The following SPINK5 variants were observed in gnomAD, a reference collection of about 807,000 sequenced individuals.
SPINK5 encodes serine peptidase inhibitor Kazal type 5, also known as serine protease inhibitor Kazal-type 5.
Under a neutral mutation model 151.8 loss-of-function variants are expected in SPINK5, and 125 were observed. That is an observed-to-expected ratio of 0.82 (90% CI 0.71 to 0.96). The LOEUF is 0.96. SPINK5 is among the 40% of genes least tolerant of loss of function. The probability of loss-of-function intolerance (pLI) is 0.00; values close to 1 mark genes in which losing one functional copy is unlikely to be tolerated. For synonymous variants in SPINK5, 374 were observed against 395.3 expected (o/e 0.95, Z 0.64); for missense variants, 1,194 against 1,291.9 (o/e 0.92, Z 1.16).
chr5:148,064,170 C>T, intron 1 of SPINK5, 71 bp downstream of exon 1: 4 of 1,569,944 alleles, frequency 2.5e-6, no homozygotes, highest in Non-Finnish European at 3.5e-6. Context: ...ACTTTTCTCC[C>T]CCTACTCCTG....
At chr5:148,091,375 A>C (rs1753305535) in intron 8 of SPINK5, 147 bp downstream of exon 8, 2 of 711,416 alleles carry the variant, frequency 2.8e-6, no homozygotes, top group East Asian at 5.5e-5. Context: ...CAAATTGACT[A>C]TTCCTAGAAT....
In SPINK5 at chr5:148,124,850, A is replaced by G; in HGVS notation, c.2739+13A>G. The G allele has an allele frequency of 6.3e-7, 1 of 1,581,046 alleles. No individual in the cohort carries two copies. On this transcript the variant is annotated intron_variant, in intron 28 of 32. Coordinates refer to ENST00000256084, the MANE Select transcript of SPINK5 (RefSeq NM_006846.4). ...AAATAATGCAAAGGTTATTTATTAA[A>G]GGATACCAAAATAACCATTTTACTT...
chr5:148,080,066 G>A (rs10213873), intron 4 of SPINK5, among the ~76,000 whole-genome samples: 75,470 of 150,482 alleles, frequency 0.5, 19,387 homozygotes, highest in Admixed American at 0.62. Context: ...GTAAGATTTC[G>A]GTGTGCAAGA....
chr5:148,064,183 A>G (rs929485739), intron 1 of SPINK5, 84 bp downstream of exon 1: 62 of 1,484,534 alleles, frequency 4.2e-5, no homozygotes, highest in Non-Finnish European at 4.6e-5. Flanking sequence ...TACTCCTGCC[A>G]AAAAATGTTT....
intron 11 of SPINK5, 46 bp downstream of exon 11, chr5:148,098,040 G>C (rs376817513): frequency 1.3e-6 from 2 of 1,582,066 alleles, no homozygotes; most frequent in African/African-American, 2.7e-5. Flanking sequence ...GGATCTTGCA[G>C]GTAATTTAAT....
At chr5:148,106,495 T>C (rs1753785788) in intron 16 of SPINK5, among the ~76,000 whole-genome samples, 2 of 151,974 alleles carry the variant, frequency 1.3e-5, no homozygotes, top group South Asian at 4.2e-4. Flanking sequence ...CAATTTATTT[T>C]ATTTTTTTAT....
Position 148,064,076 on chromosome 5 carries a change from CCTTGGCT to C in SPINK5, c.36_42del (p.Leu12PhefsTer24). 6.2e-7 allele frequency: 1 copy of C among 1,614,134 alleles called. No individual in the cohort carries two copies. Among genetic ancestry groups the C allele is most frequent in the Admixed American group, 1.7e-5 (1 of 60,006 alleles). ...ATAGCCACAGTGTCAGTGCTTCTGC[CCTTGGCT>C]CTTTGCCTCATACAAGGTGAGCAAT... is the stretch of plus-strand genomic sequence containing the variant. On this transcript the variant is annotated frameshift_variant, in exon 1 of 33. Transcript: ENST00000256084. LOFTEE classifies it high-confidence loss of function.
rs76033896 is a variant in SPINK5 at position 148,098,912 on chromosome 5, C to T, written c.1011-322C>T. On this transcript the variant is annotated intron_variant, in intron 11 of 32. Coordinates refer to ENST00000256084, the MANE Select transcript of SPINK5 (RefSeq NM_006846.4). ...ACTTTCAGCCTTCAGGTTATGCCAC[C>T]ATGATTTTAGTTTTGGTGCCTCTGT... Among the ~76,000 whole-genome samples, 353 of 152,088 alleles carry T rather than the reference C, an allele frequency of 2.3e-3. 1 individual carries two copies. Among genetic ancestry groups the T allele is most frequent in the African/African-American group, 8.1e-3 (335 of 41,490 alleles).
intron 32 of SPINK5, among the ~76,000 whole-genome samples, chr5:148,136,712 T>A (rs754225660): frequency 1.3e-5 from 2 of 152,192 alleles, no homozygotes; most frequent in African/African-American, 2.4e-5. Context: ...GACACCTACT[T>A]CTTTTTTATC....
chr5:148,131,526 A>C, intron 31 of SPINK5, 137 bp downstream of exon 31: 1 of 1,247,130 alleles, frequency 8.0e-7, no homozygotes, highest in Non-Finnish European at 1.1e-6. Context: ...AAAATTCAAA[A>C]TTTGTGAATT....
intron 4 of SPINK5, among the ~76,000 whole-genome samples, chr5:148,083,632 A>T (rs914589561): frequency 2.0e-5 from 3 of 151,434 alleles, no homozygotes; most frequent in African/African-American, 7.3e-5. Flanking sequence ...AATGTATGTT[A>T]ATCCACTCTC....
intron 13 of SPINK5, 23 bp downstream of exon 13, chr5:148,100,604 A>T (rs1304321886): frequency 2.5e-6 from 4 of 1,611,360 alleles, no homozygotes; most frequent in Non-Finnish European, 3.4e-6. Context: ...GCAGCTGGGA[A>T]CATGGAGGAA....
At chr5:148,097,738 TG>T in intron 10 of SPINK5, 128 bp from the exon 11 acceptor site, 1 of 910,282 alleles carries the variant, frequency 1.1e-6, no homozygotes, top group African/African-American at 1.7e-5. Flanking sequence ...TCACAATTTT[TG>T]GATGGTCCTA....
intron 4 of SPINK5, among the ~76,000 whole-genome samples, chr5:148,074,800 T>C (rs1448692907): frequency 6.6e-6 from 1 of 151,780 alleles, no homozygotes; most frequent in African/African-American, 2.4e-5. Context: ...GAATAAGTCA[T>C]ATAATTTTGA....
At chr5:148,101,155 C>G (rs1753632112) in intron 13 of SPINK5, among the ~76,000 whole-genome samples, 200 bp from the exon 14 acceptor site, 1 of 152,004 alleles carries the variant, frequency 6.6e-6, no homozygotes, top group Admixed American at 6.6e-5. Context: ...TTCCGTCTGT[C>G]AGTTTATTTG....
rs757605120 is a variant in SPINK5, at chr5:148,120,081, C to T, written c.2386C>T (p.Arg796Trp). The T allele has an allele frequency of 1.1e-5, 18 of 1,613,818 alleles. No individual in the cohort carries two copies. The highest frequency in any genetic ancestry group is 1.6e-4 in the Middle Eastern group (1 of 6,084). ...LICTRESDPVRGPDGKTHGNK... is the reference protein window; with the variant it reads ...LICTRESDPVWGPDGKTHGNK... Reference sequence around the variant, plus strand: ...CTGCACTCGAGAAAGTGACCCTGTCCGGGGTCCAGATGGCAAGACACATGG... The same window carrying T: ...CTGCACTCGAGAAAGTGACCCTGTCTGGGGTCCAGATGGCAAGACACATGG... The change falls in exon 25 of 33, where the codon CGG becomes TGG. Residue 796 changes from arginine to tryptophan, a missense_variant. Arg to Trp is a moderately radical substitution (Grantham distance 101). Transcript: ENST00000256084.
chr5:148,100,597 G>T lies in SPINK5; in HGVS notation c.1220+16G>T, dbSNP rs756144818. On this transcript the variant is annotated intron_variant, in intron 13 of 32. Coordinates refer to ENST00000256084, the MANE Select transcript of SPINK5 (RefSeq NM_006846.4). ...AGGTCTTCTTGTGAGTAGCCCTGCA[G>T]CTGGGAACATGGAGGAATGATTTTG... 7.4e-6 allele frequency: 12 copies of T among 1,612,088 alleles called. No individual in the cohort carries two copies. The highest frequency in any genetic ancestry group is 1.1e-5 in the South Asian group (1 of 91,058).
chr5:148,078,412 A>G (rs2113020529), intron 4 of SPINK5, among the ~76,000 whole-genome samples: 1 of 151,244 alleles, frequency 6.6e-6, no homozygotes, highest in South Asian at 2.1e-4. Context: ...CAAATAGAAT[A>G]CTTGAAGAAT....
Position 148,086,412 on chromosome 5 carries a change from G to A in SPINK5, c.290G>A (p.Cys97Tyr), listed in dbSNP as rs777435572. 5 of 1,610,700 alleles carry A rather than the reference G, an allele frequency of 3.1e-6. No homozygotes were observed. The Admixed American group carries it at 8.4e-5, about 27-fold the overall frequency. Residue 97 changes from cysteine (C) to tyrosine (Y), a missense_variant, in exon 5 of 33, where the codon TGT (cysteine) becomes TAT (tyrosine). Cys to Tyr is a radical substitution (Grantham distance 194). Transcript: ENST00000256084. ...PKATAPTELN[C>Y]DDFKKGERDG... ...TGATCATGTCTTTTGCAGCTGAATT[G>A]TGATGATTTTAAAAAAGGAGAAAGA...
Sources: gnomAD v4.1 joint callset for allele counts (sites outside exome capture counted in the v4.1 genomes callset) on GRCh38, gnomAD v4.1.1 for gene constraint, MANE v1.5 for transcripts, NCBI Gene and HGNC (gene_info 2026-07-23, HGNC 2026-07-21) for gene names.